CCDC178: variants seen among roughly 807,000 people sequenced by gnomAD.
CCDC178 encodes the protein coiled-coil domain-containing protein 178.
In CCDC178, 126 loss-of-function variants were observed where a neutral mutation model predicts 117.4. The ratio of observed to expected loss-of-function variants is 1.07; its 90% CI spans 0.93 to 1.24. The LOEUF (loss-of-function observed/expected upper bound fraction) is 1.24, where lower values mean the gene tolerates loss of function less well. Among genes scored for constraint, CCDC178 ranks in the 50% most tolerant of loss-of-function variants. CCDC178 has a pLI of 0.00. For missense variants in CCDC178, 1,030 were observed against 986.9 expected (o/e 1.04, Z -0.59); for synonymous variants, 283 against 313.4 (o/e 0.90, Z 1.02).
intron 20 of CCDC178, among the ~76,000 whole-genome samples, chr18:33,196,382 G>A (rs1253941576): frequency 3.9e-5 from 6 of 152,234 alleles, no homozygotes; most frequent in Admixed American, 6.5e-5. Context: ...CGGAAGCTCC[G>A]TATTTAGACC....
intron 21 of CCDC178, among the ~76,000 whole-genome samples, chr18:33,086,449 T>C (rs1191432313): frequency 2.0e-5 from 3 of 147,280 alleles, no homozygotes; most frequent in African/African-American, 5.2e-5. Flanking sequence ...CACACACATA[T>C]ATATATATAG....
chr18:33,174,031 G>T (rs1419364226), intron 20 of CCDC178, among the ~76,000 whole-genome samples: 1 of 151,842 alleles, frequency 6.6e-6, no homozygotes, highest in Non-Finnish European at 1.5e-5. Context: ...TAAGAAAAGA[G>T]ATGTAATTGG....
chr18:33,320,940 T>C (rs1012594602), intron 11 of CCDC178, among the ~76,000 whole-genome samples: 5 of 151,930 alleles, frequency 3.3e-5, no homozygotes, highest in Admixed American at 2.6e-4. Context: ...ATACCACACA[T>C]CTACAACCAC....
At chr18:33,374,255 T>G (rs531992267) in intron 5 of CCDC178, among the ~76,000 whole-genome samples, 2 of 152,280 alleles carry the variant, frequency 1.3e-5, no homozygotes, top group South Asian at 4.1e-4. Context: ...ATAGAATCCC[T>G]GACCAATAAC....
intron 22 of CCDC178, among the ~76,000 whole-genome samples, chr18:32,969,044 C>A (rs910887590): frequency 3.3e-5 from 5 of 152,012 alleles, no homozygotes; most frequent in African/African-American, 1.2e-4. Flanking sequence ...AGTAACAGAA[C>A]TGTAGGCACC....
chr18:33,344,124 G>A (rs939609926), intron 9 of CCDC178, among the ~76,000 whole-genome samples: 35 of 150,328 alleles, frequency 2.3e-4, no homozygotes, highest in African/African-American at 7.4e-4. Context: ...CTAACAAGGC[G>A]AAACCCCGTC....
rs532095545 is a variant in CCDC178 at position 33,319,254 on chromosome 18, G to A, written c.1022+4237C>T. Among the ~76,000 whole-genome samples, 169 of 151,546 alleles carry A rather than the reference G, an allele frequency of 1.1e-3. 1 individual carries two copies. Among genetic ancestry groups the A allele is most frequent in the Non-Finnish European group, 1.9e-3 (129 of 67,866 alleles). ...CCCCTTCCTGTGTCCAGGTGTTCTC[G>A]GTGTTCAATTCCCACCGATGAGTGA... On this transcript the variant is annotated intron_variant, in intron 11 of 22. Transcript: ENST00000383096.
intron 20 of CCDC178, among the ~76,000 whole-genome samples, chr18:33,179,077 A>T (rs1396159805): frequency 1.1e-5 from 1 of 88,372 alleles, no homozygotes; most frequent in Admixed American, 1.2e-4. Flanking sequence ...AAAAAAAAAA[A>T]AATATATATA....
chr18:33,171,129 A>C (rs2058594354), intron 20 of CCDC178, among the ~76,000 whole-genome samples: 1 of 152,204 alleles, frequency 6.6e-6, no homozygotes, highest in Non-Finnish European at 1.5e-5. Flanking sequence ...AAATATACTT[A>C]AACCAGCTGA....
At chr18:33,226,904 A>C (rs1304299491) in intron 15 of CCDC178, 49 bp from the exon 16 acceptor site, 8 of 1,027,274 alleles carry the variant, frequency 7.8e-6, no homozygotes, top group Non-Finnish European at 1.0e-5. Context: ...ATAAAACATC[A>C]AAAACATTTT....
At chr18:33,351,147 GATGTGT>G (rs1008284082) in intron 7 of CCDC178, among the ~76,000 whole-genome samples, 3 of 74,042 alleles carry the variant, frequency 4.1e-5, no homozygotes, top group African/African-American at 1.6e-4. Flanking sequence ...CACTGATCAT[GATGTGT>G]GTGTGTGTGT....
intron 21 of CCDC178, among the ~76,000 whole-genome samples, chr18:33,035,056 GA>G (rs2056417688): frequency 6.6e-6 from 1 of 151,946 alleles, no homozygotes; most frequent in South Asian, 2.1e-4. Context: ...AGCTGTTTGG[GA>G]GTGTATGAGT....
At chr18:33,184,591 T>TAAG (rs2058768190) in intron 20 of CCDC178, among the ~76,000 whole-genome samples, 2 of 152,048 alleles carry the variant, frequency 1.3e-5, no homozygotes, top group African/African-American at 4.8e-5. Context: ...AAATAGAAAG[T>TAAG]TGCTGCAGCC....
chr18:33,412,435 T>C (rs2063869784), intron 2 of CCDC178, among the ~76,000 whole-genome samples: 1 of 150,996 alleles, frequency 6.6e-6, no homozygotes, highest in Non-Finnish European at 1.5e-5. Flanking sequence ...GAACCTACAA[T>C]GTTTTCATTT....
chr18:33,425,017 T>C (rs1270997167), intron 2 of CCDC178, among the ~76,000 whole-genome samples: 1 of 152,164 alleles, frequency 6.6e-6, no homozygotes, highest in Non-Finnish European at 1.5e-5. Flanking sequence ...CCTAGATGAC[T>C]GATTGATAGG....
At chr18:33,334,100 T>G (rs1395322296) in intron 9 of CCDC178, among the ~76,000 whole-genome samples, 1 of 151,992 alleles carries the variant, frequency 6.6e-6, no homozygotes, top group Non-Finnish European at 1.5e-5. Flanking sequence ...TATTATTTTC[T>G]TATAGAAAAA....
intron 22 of CCDC178, among the ~76,000 whole-genome samples, chr18:32,944,512 A>G (rs1470767215): frequency 6.6e-6 from 1 of 152,176 alleles, no homozygotes; most frequent in Non-Finnish European, 1.5e-5. Flanking sequence ...TGGCTATAAA[A>G]TTTCATTTCA....
intron 21 of CCDC178, among the ~76,000 whole-genome samples, chr18:33,040,004 A>G (rs1419761049): frequency 3.3e-5 from 5 of 151,968 alleles, no homozygotes. Context: ...AAAAATTACC[A>G]TAAGAAAAAA....
intron 3 of CCDC178, among the ~76,000 whole-genome samples, chr18:33,404,147 T>C (rs191226830): frequency 1.7e-4 from 26 of 152,226 alleles, no homozygotes; most frequent in Middle Eastern, 3.4e-3. Context: ...CATTATGCAT[T>C]TGTCAAAACC....
Sources: gnomAD v4.1 joint callset for allele counts (sites outside exome capture counted in the v4.1 genomes callset) on GRCh38, gnomAD v4.1.1 for gene constraint, MANE v1.5 for transcripts, NCBI Gene and HGNC (gene_info 2026-07-23, HGNC 2026-07-21) for gene names.